The following DOCK9 variants were observed in gnomAD, a reference collection of about 807,000 sequenced individuals.
The protein encoded by DOCK9 is dedicator of cytokinesis protein 9.
Under a neutral mutation model 263.3 loss-of-function variants are expected in DOCK9, and 89 were observed. The ratio of observed to expected loss-of-function variants is 0.34; its 90% CI spans 0.28 to 0.40. The LOEUF (loss-of-function observed/expected upper bound fraction) is 0.40. Ranked by LOEUF, DOCK9 falls within the 10% of genes least tolerant of loss-of-function variation. The pLI is 1.00. For synonymous variants in DOCK9, 976 were observed against 973.1 expected, an observed-to-expected ratio of 1.00 and a Z score of -0.06; for missense variants, 2,140 against 2,603.4, an observed-to-expected ratio of 0.82 and a Z score of 3.87.
intron 27 of DOCK9, among the ~76,000 whole-genome samples, chr13:98,875,820 G>A (rs2043737731): frequency 6.6e-6 from 1 of 152,118 alleles, no homozygotes; most frequent in South Asian, 2.1e-4. Flanking sequence ...CTGTAGTAAG[G>A]AAATTACTTA....
chr13:98,995,817 A>G (rs1257640089), intron 1 of DOCK9, among the ~76,000 whole-genome samples: 2 of 152,086 alleles, frequency 1.3e-5, no homozygotes, highest in Non-Finnish European at 2.9e-5. Flanking sequence ...GGCTAGAAGG[A>G]GGAGTGAATT....
chr13:98,800,096 C>G (rs532979248), intron 50 of DOCK9, among the ~76,000 whole-genome samples, 192 bp downstream of exon 50: 1 of 151,758 alleles, frequency 6.6e-6, no homozygotes, highest in African/African-American at 2.4e-5. Context: ...CCTCATGGGG[C>G]GGGGGGCAGG....
At chr13:98,885,178 A>C in intron 20 of DOCK9, 86 bp from the exon 21 acceptor site, 3 of 1,532,684 alleles carry the variant, frequency 2.0e-6, no homozygotes, top group Non-Finnish European at 2.6e-6. Context: ...AAACCGTCTG[A>C]TTTTTAAGAA....
chr13:99,070,232 C>G (rs2041609750), intron 1 of DOCK9, among the ~76,000 whole-genome samples: 1 of 152,194 alleles, frequency 6.6e-6, no homozygotes, highest in African/African-American at 2.4e-5. Flanking sequence ...AATTTTCAAG[C>G]ATACCGATTT....
Position 98,885,697 on chromosome 13 carries a change from GC to G in DOCK9, c.2260+10del, listed in dbSNP as rs746958925. On this transcript the variant is annotated intron_variant, in intron 20 of 52. Coordinates refer to ENST00000682017, the MANE Select transcript of DOCK9 (RefSeq NM_001366683.2). Reference sequence around the variant, plus strand: ...TTATTTAAAATCAAAGGAATGGTAAGCCCCCCCAACCTTGGGTTTCAACGAC... The same window carrying G: ...TTATTTAAAATCAAAGGAATGGTAAGCCCCCCAACCTTGGGTTTCAACGAC... 320 of 1,599,308 alleles carry G rather than the reference GC, an allele frequency of 2.0e-4. No individual in the cohort carries two copies. The highest frequency in any genetic ancestry group is 2.5e-4 in the Non-Finnish European group (291 of 1,175,370).
At chr13:98,972,469 A>G (rs1039194737) in intron 1 of DOCK9, among the ~76,000 whole-genome samples, 2 of 152,148 alleles carry the variant, frequency 1.3e-5, no homozygotes, top group African/African-American at 2.4e-5. Context: ...TGGCATGGCA[A>G]TGAGGTAGGG....
chr13:98,933,276 T>C (rs1033418487), intron 2 of DOCK9, among the ~76,000 whole-genome samples: 2 of 152,128 alleles, frequency 1.3e-5, no homozygotes, highest in African/African-American at 2.4e-5. Context: ...ACTTTAATTA[T>C]GGGACACTTT....
chr13:98,904,998 G>T (rs1455913327), intron 9 of DOCK9, among the ~76,000 whole-genome samples: 1 of 152,212 alleles, frequency 6.6e-6, no homozygotes, highest in Non-Finnish European at 1.5e-5. Context: ...TGTCAAGAAA[G>T]GCTTCATAAA....
At chr13:99,053,530 C>T (rs2040796097) in intron 1 of DOCK9, among the ~76,000 whole-genome samples, 1 of 152,068 alleles carries the variant, frequency 6.6e-6, no homozygotes, top group African/African-American at 2.4e-5. Context: ...TTTCTGTAAG[C>T]CACTTGAACC....
At chr13:98,934,911 A>G (rs1208922625) in intron 2 of DOCK9, among the ~76,000 whole-genome samples, 1 of 152,212 alleles carries the variant, frequency 6.6e-6, no homozygotes, top group East Asian at 1.9e-4. Context: ...ACACTGAGCT[A>G]GCAGCTGGAG....
At chr13:98,891,287 T>C (rs16956013) in intron 15 of DOCK9, among the ~76,000 whole-genome samples, 26,067 of 152,118 alleles carry the variant, frequency 0.17, 3,117 homozygotes, top group East Asian at 0.43. Context: ...ATCAATTTTC[T>C]TGACATACGG....
At chr13:98,863,619 C>CAA in intron 30 of DOCK9, 71 bp from the exon 31 acceptor site, 1 of 1,479,822 alleles carries the variant, frequency 6.8e-7, no homozygotes, top group Non-Finnish European at 9.1e-7. Context: ...AACAAACAAA[C>CAA]AAACAAAAAA....
At chr13:98,797,636 C>A (rs1447523830) in intron 50 of DOCK9, 147 bp from the exon 51 acceptor site, 9 of 653,866 alleles carry the variant, frequency 1.4e-5, no homozygotes, top group Non-Finnish European at 2.1e-5. Context: ...CAAAAAGAAA[C>A]CACAAAGTTC....
intron 3 of DOCK9, among the ~76,000 whole-genome samples, chr13:98,926,473 G>C (rs1452211606): frequency 1.3e-5 from 2 of 152,158 alleles, no homozygotes; most frequent in South Asian, 4.1e-4. Context: ...TCATCTGTGT[G>C]TGTGTACAGA....
intron 1 of DOCK9, among the ~76,000 whole-genome samples, chr13:99,023,210 G>T (rs892125706): frequency 6.6e-6 from 1 of 152,218 alleles, no homozygotes; most frequent in African/African-American, 2.4e-5. Context: ...ATTCACAACA[G>T]CCAAGGGGCG....
At chr13:98,988,978 C>T (rs1174905343) in intron 1 of DOCK9, among the ~76,000 whole-genome samples, 1 of 152,170 alleles carries the variant, frequency 6.6e-6, no homozygotes, top group Non-Finnish European at 1.5e-5. Context: ...CAGCCACTGT[C>T]TTCAGGGCTG....
intron 49 of DOCK9, among the ~76,000 whole-genome samples, chr13:98,804,227 A>T (rs2090438538): frequency 1.3e-5 from 2 of 152,080 alleles, no homozygotes; most frequent in Admixed American, 1.3e-4. Context: ...CGGCCCTCCC[A>T]CTGATATTTC....
chr13:98,931,897 C>G (rs2054009992), intron 2 of DOCK9, among the ~76,000 whole-genome samples: 1 of 149,620 alleles, frequency 6.7e-6, no homozygotes, highest in Non-Finnish European at 1.5e-5. Flanking sequence ...CACACCCAGC[C>G]TTATTCTTTA....
At chr13:99,015,751 C>A (rs1885310950) in intron 1 of DOCK9, 1 of 1,340,068 alleles carries the variant, frequency 7.5e-7, no homozygotes, top group Non-Finnish European at 9.5e-7. Context: ...AAGCTCTGAG[C>A]TGCCGTACTA....
Sources: gnomAD v4.1 joint callset for allele counts (sites outside exome capture counted in the v4.1 genomes callset) on GRCh38, gnomAD v4.1.1 for gene constraint, MANE v1.5 for transcripts, NCBI Gene and HGNC (gene_info 2026-07-23, HGNC 2026-07-21) for gene names.